Variants in DYNC2I1 observed in about 807,000 individuals in gnomAD.
The protein encoded by DYNC2I1 is cytoplasmic dynein 2 intermediate chain 1.
Under a neutral mutation model 133.4 loss-of-function variants are expected in DYNC2I1, and 89 were observed. The ratio of observed to expected loss-of-function variants is 0.67; its 90% CI spans 0.56 to 0.80. DYNC2I1 has a LOEUF of 0.80. DYNC2I1 is among the 30% of genes least tolerant of loss of function. The probability of loss-of-function intolerance (pLI) is 0.00; values close to 1 mark genes in which losing one functional copy is unlikely to be tolerated. For synonymous variants in DYNC2I1, 504 were observed against 484.3 expected, an observed-to-expected ratio of 1.04 and a Z score of -0.54; for missense variants, 1,291 against 1,314.5, an observed-to-expected ratio of 0.98 and a Z score of 0.28.
intron 7 of DYNC2I1, among the ~76,000 whole-genome samples, chr7:158,887,546 C>T (rs1215457726): frequency 3.9e-5 from 6 of 152,124 alleles, no homozygotes; most frequent in African/African-American, 1.2e-4. Context: ...CTTTCAGTAA[C>T]AGGTAGGACA....
chr7:158,862,409 A>C lies in DYNC2I1; in HGVS notation c.15+5659A>C, dbSNP rs1841939456. On this transcript the variant is annotated intron_variant, in intron 1 of 24. Transcript: ENST00000407559. ...CTGCAGGTTACGAATTCTGGTGTCC[A>C]GTGTATGACATTGGTAGGTTAATTT... is the stretch of plus-strand genomic sequence containing the variant. 3.3e-5 allele frequency among the ~76,000 whole-genome samples: 5 copies of C among 152,140 alleles called. No homozygotes were observed. In the South Asian group the frequency reaches 8.3e-4, roughly 25 times the overall value.
chr7:158,914,794 C>T (rs964798157), intron 14 of DYNC2I1, among the ~76,000 whole-genome samples: 1 of 152,190 alleles, frequency 6.6e-6, no homozygotes, highest in Non-Finnish European at 1.5e-5. Flanking sequence ...CGTCTGACCC[C>T]CCTGCCCACT....
Position 158,930,513 on chromosome 7 carries a change from C to CA in DYNC2I1, c.2545dup (p.Ser849LysfsTer5). The stretch of plus-strand genomic sequence containing the variant: ...ATAGTGCTCTGATCCAGTTGGGTGA[C>CA]AGGTAAGATGTGAGGGAAAATGCTT... On this transcript the variant is annotated frameshift_variant and splice_region_variant, in exon 21 of 25. Coordinates refer to ENST00000407559, the MANE Select transcript of DYNC2I1 (RefSeq NM_018051.5). LOFTEE classifies it high-confidence loss of function. 1 of 1,612,320 alleles carries CA rather than the reference C, an allele frequency of 6.2e-7. No homozygotes were observed. The highest frequency in any genetic ancestry group is 8.5e-7 in the Non-Finnish European group (1 of 1,179,304).
At chr7:158,889,971 A>G (rs1052162490) in intron 7 of DYNC2I1, among the ~76,000 whole-genome samples, 1 of 139,758 alleles carries the variant, frequency 7.2e-6, no homozygotes, top group Non-Finnish European at 1.5e-5. Flanking sequence ...GTGTCACTGC[A>G]CTCCAACCTG....
chr7:158,922,384 A>C lies in DYNC2I1; in HGVS notation c.1929A>C (p.Lys643Asn), dbSNP rs1411516669. The change falls in exon 16 of 25, where the codon AAA (lysine) becomes AAC (asparagine). Residue 643 changes from lysine to asparagine, a missense_variant. Physicochemically the swap from Lys to Asn is moderately conservative, Grantham distance 94. Coordinates refer to ENST00000407559, the MANE Select transcript of DYNC2I1 (RefSeq NM_018051.5). ...TATTTTTCTTCTCCCTAGATCGAAA[A>C]GTATCCTCCTTGCACACCTCCCGAG... ...NTSLPFLQNR[K>N]VSSLHTSRVQ... is the part of the protein sequence containing the mutation. 3.7e-6 allele frequency: 6 copies of C among 1,612,688 alleles called. No individual in the cohort carries two copies. Among genetic ancestry groups the C allele is most frequent in the Non-Finnish European group, 5.1e-6 (6 of 1,179,542 alleles).
chr7:158,846,583 T>G, the DYNC2I1 span, among the ~76,000 whole-genome samples: 14 of 152,318 alleles, frequency 9.2e-5, 3 homozygotes, highest in African/African-American at 3.4e-4. Context: ...TTTACAGAAA[T>G]TGGACTCATT....
Position 158,945,753 on chromosome 7 carries a change from T to G in DYNC2I1, c.3175T>G (p.Trp1059Gly). Residue 1059 changes from tryptophan (W) to glycine (G), a missense_variant, in exon 25 of 25, where the codon TGG (tryptophan) becomes GGG (glycine). Coordinates refer to ENST00000407559, the MANE Select transcript of DYNC2I1 (RefSeq NM_018051.5). This position sits in a 1 kb window ranked among gnomAD's most constrained non-coding sequence, Gnocchi z 4.1. ...RLRLLLQEALWPEGKLHK is the reference protein window; with the variant it reads ...RLRLLLQEALGPEGKLHK ...GCGTCTGCTTTTGCAGGAAGCCCTG[T>G]GGCCAGAGGGAAAACTGCACAAGTA... is the stretch of plus-strand genomic sequence containing the variant. The G allele has an allele frequency of 6.3e-7, 1 of 1,585,288 alleles. No individual in the cohort carries two copies. Among genetic ancestry groups the G allele is most frequent in the Non-Finnish European group, 8.6e-7 (1 of 1,164,634 alleles).
chr7:158,868,737 A>G (rs1842630025), intron 1 of DYNC2I1, among the ~76,000 whole-genome samples: 1 of 152,232 alleles, frequency 6.6e-6, no homozygotes, highest in South Asian at 2.1e-4. Context: ...ATCCTTGAGC[A>G]TTCAGTCCAC....
chr7:158,923,844 G>A (rs879175969), intron 17 of DYNC2I1, 111 bp downstream of exon 17: 20 of 1,430,660 alleles, frequency 1.4e-5, no homozygotes, highest in South Asian at 4.4e-5. Flanking sequence ...CCCAGAGGAC[G>A]GGGTCTGACC....
chr7:158,918,723 T>A lies in DYNC2I1; in HGVS notation c.1792-17T>A. 1 of 1,611,818 alleles carries A rather than the reference T, an allele frequency of 6.2e-7. No homozygotes were observed. Among genetic ancestry groups the A allele is most frequent in the South Asian group, 1.1e-5 (1 of 90,884 alleles). Reference sequence around the variant, plus strand: ...TTGTGAAGTTTTTATTAAAGACTACTCACTTATGTCTGACAGGTGATGGCC... The same window carrying A: ...TTGTGAAGTTTTTATTAAAGACTACACACTTATGTCTGACAGGTGATGGCC... On this transcript the variant is annotated splice_polypyrimidine_tract_variant and intron_variant, in intron 14 of 24. Transcript: ENST00000407559.
chr7:158,946,948 C>T (rs1390582685), downstream of DYNC2I1, among the ~76,000 whole-genome samples: 2 of 152,254 alleles, frequency 1.3e-5, no homozygotes, highest in East Asian at 1.9e-4. Flanking sequence ...GCTGCAGACA[C>T]AGCCCCCTCC....
At chr7:158,950,278 G>T (rs1852016313), downstream of DYNC2I1, among the ~76,000 whole-genome samples, 1 of 151,966 alleles carries the variant, frequency 6.6e-6, no homozygotes, top group Non-Finnish European at 1.5e-5. Flanking sequence ...TGGGCAGGCT[G>T]GTTCTTGAAC....
intron 6 of DYNC2I1, among the ~76,000 whole-genome samples, 163 bp downstream of exon 6, chr7:158,884,782 G>A (rs1844433944): frequency 6.6e-6 from 1 of 152,076 alleles, no homozygotes; most frequent in South Asian, 2.1e-4. Flanking sequence ...CAAATGGGTT[G>A]GTAGGTTTTT....
chr7:158,888,246 A>G (rs916188686), intron 7 of DYNC2I1, among the ~76,000 whole-genome samples: 2 of 151,830 alleles, frequency 1.3e-5, no homozygotes, highest in Non-Finnish European at 2.9e-5. Context: ...TCTGGTCTGG[A>G]ACTCCTGACC....
At chr7:158,903,199 G>A (rs1357525698) in intron 10 of DYNC2I1, 1 of 152,146 alleles carries the variant, frequency 6.6e-6, no homozygotes, top group African/African-American at 2.4e-5. Flanking sequence ...CACGAAGCAT[G>A]CTCTTGATCC....
At chr7:158,866,022 G>A (rs1842371874) in intron 1 of DYNC2I1, among the ~76,000 whole-genome samples, 2 of 152,280 alleles carry the variant, frequency 1.3e-5, no homozygotes, top group South Asian at 2.1e-4. Flanking sequence ...GAAAAGTAGA[G>A]AGGCCGAAGA....
chr7:158,871,605 GCGTCGC>G, intron 3 of DYNC2I1, 43 bp downstream of exon 3: 1 of 1,483,808 alleles, frequency 6.7e-7, no homozygotes, highest in East Asian at 2.5e-5. Flanking sequence ...CCGAGGTGCC[GCGTCGC>G]TGCTGGTGAC....
the DYNC2I1 span, among the ~76,000 whole-genome samples, chr7:158,844,062 G>A: frequency 3.9e-5 from 6 of 152,150 alleles, no homozygotes; most frequent in Admixed American, 2.0e-4. Flanking sequence ...TCTATATTTT[G>A]CATGAAATAA....
chr7:158,906,165 A>G, intron 11 of DYNC2I1, 74 bp downstream of exon 11: 1 of 1,368,156 alleles, frequency 7.3e-7, no homozygotes, highest in Non-Finnish European at 1.0e-6. Context: ...CTTTTAAAAA[A>G]TCGAGTTTTA....
Sources: allele counts gnomAD v4.1 joint callset (sites outside exome capture counted in the v4.1 genomes callset), GRCh38; gene constraint gnomAD v4.1.1; non-coding constraint Gnocchi (gnomAD v3.1); transcripts MANE v1.5; gene names NCBI Gene and HGNC (gene_info 2026-07-23, HGNC 2026-07-21).